CALCOCO1: variants seen among roughly 807,000 people sequenced by gnomAD.
CALCOCO1 encodes calcium binding and coiled-coil domain 1.
Under a neutral mutation model 86.3 loss-of-function variants are expected in CALCOCO1, and 44 were observed. The observed-to-expected ratio is 0.51, with a 90% confidence interval of 0.40 to 0.66. The LOEUF (loss-of-function observed/expected upper bound fraction) is 0.66, where lower values mean the gene tolerates loss of function less well. Ranked by LOEUF, CALCOCO1 falls within the 30% of genes least tolerant of loss-of-function variation. The pLI is 0.00. For missense variants in CALCOCO1, 708 were observed against 851.1 expected (o/e 0.83, Z 2.09); for synonymous variants, 297 against 327.6 (o/e 0.91, Z 1.01).
At chr12:53,713,672 G>T in intron 13 of CALCOCO1, 29 bp downstream of exon 13, 1 of 1,491,920 alleles carries the variant, frequency 6.7e-7, no homozygotes, top group South Asian at 1.4e-5. Flanking sequence ...CCTCCTTACT[G>T]CTTCTGCACA....
chr12:53,722,884 C>T, intron 4 of CALCOCO1: 2 of 425,360 alleles, frequency 4.7e-6, no homozygotes, highest in Non-Finnish European at 4.6e-6. Flanking sequence ...TAGGAGCTCA[C>T]ACATCTTTCA....
Position 53,715,958 on chromosome 12 carries a change from C to G in CALCOCO1, c.1095G>C (p.Glu365Asp). The change falls in exon 9 of 15, where the codon GAG (glutamate) becomes GAC (aspartate). Residue 365 changes from glutamate (E) to aspartate (D), a missense_variant. Transcript: ENST00000550804. ...CCCTGGCTGCTGCTGCACTGGCCAA[C>G]TCCTCCCCAAGAAGGGTGGCTTTCT... Reference protein sequence around the residue: ...SQQKATLLGEELASAAAARDR... With the variant: ...SQQKATLLGEDLASAAAARDR... 1 of 1,614,202 alleles carries G rather than the reference C, an allele frequency of 6.2e-7. No individual in the cohort carries two copies. Among genetic ancestry groups the G allele is most frequent in the African/African-American group, 1.3e-5 (1 of 75,064 alleles).
chr12:53,714,106 G>A, intron 12 of CALCOCO1, 27 bp downstream of exon 12: 1 of 1,538,682 alleles, frequency 6.5e-7, no homozygotes, highest in Non-Finnish European at 9.0e-7. Flanking sequence ...TGGGGAAGAG[G>A]TGTTACAAGA....
In CALCOCO1 at chr12:53,715,950, C is replaced by T. The variant is rs776903733; in HGVS notation, c.1103G>A (p.Ser368Asn). 6.2e-7 allele frequency: 1 copy of T among 1,614,204 alleles called. No homozygotes were observed. Among genetic ancestry groups the T allele is most frequent in the Non-Finnish European group, 8.5e-7 (1 of 1,180,044 alleles). ...KATLLGEELASAAAARDRTIA... is the reference protein window; with the variant it reads ...KATLLGEELANAAAARDRTIA... ...GGTGCGGTCCCTGGCTGCTGCTGCA[C>T]TGGCCAACTCCTCCCCAAGAAGGGT... is the stretch of plus-strand genomic sequence containing the variant. Residue 368 changes from serine (S) to asparagine (N), a missense_variant, in exon 9 of 15, where the codon AGT (serine) becomes AAT (asparagine). Ser to Asn is a conservative substitution (Grantham distance 46, BLOSUM62 1). Transcript: ENST00000550804.
chr12:53,723,313 T>C (rs1945930390), intron 4 of CALCOCO1, among the ~76,000 whole-genome samples: 1 of 152,168 alleles, frequency 6.6e-6, no homozygotes, highest in Non-Finnish European at 1.5e-5. Flanking sequence ...GATCTTCCTC[T>C]AGGGCATAGG....
chr12:53,719,680 A>G, intron 7 of CALCOCO1, 59 bp downstream of exon 7: 1 of 1,207,218 alleles, frequency 8.3e-7, no homozygotes, highest in Non-Finnish European at 1.2e-6. Flanking sequence ...CTGGCTCTCG[A>G]GAGGGAATCA....
rs1945691009 is a variant in CALCOCO1 at position 53,715,224 on chromosome 12, C to G, written c.1362G>C (p.Leu454=). The change falls in exon 10 of 15, where the codon CTG becomes CTC. Residue 454 remains leucine, a synonymous_variant. Coordinates refer to ENST00000550804, the MANE Select transcript of CALCOCO1 (RefSeq NM_020898.3). ...RTQNQVFKTE[L]AREKDSSLVQ... is the part of the protein sequence containing the mutation. Reference sequence around the variant, plus strand: ...CCAGGCTAGAATCCTTCTCCCGGGCCAGCTCAGTCTTGAACACTTGGTTTT... The same window carrying G: ...CCAGGCTAGAATCCTTCTCCCGGGCGAGCTCAGTCTTGAACACTTGGTTTT... The G allele has an allele frequency of 6.2e-7, 1 of 1,614,042 alleles. No individual in the cohort carries two copies. The highest frequency in any genetic ancestry group is 1.3e-5 in the African/African-American group (1 of 74,930).
intron 14 of CALCOCO1, chr12:53,712,425 A>AT (rs745534060): frequency 3.2e-6 from 1 of 313,984 alleles, no homozygotes; most frequent in Non-Finnish European, 5.9e-6. Context: ...TGAGTCTGAC[A>AT]TCGTCCTTCA....
chr12:53,714,456 A>C, intron 11 of CALCOCO1, 142 bp downstream of exon 11: 1 of 694,188 alleles, frequency 1.4e-6, no homozygotes, highest in Non-Finnish European at 2.5e-6. Context: ...TGTCCTGCCA[A>C]ATCAGCTAAT....
Position 53,713,905 on chromosome 12 carries a change from A to G in CALCOCO1, c.1592-5T>C, listed in dbSNP as rs1469405138. 3 of 1,526,516 alleles carry G rather than the reference A, an allele frequency of 2.0e-6. No homozygotes were observed. In the South Asian group the frequency reaches 3.9e-5, roughly 20 times the overall value. 94.6% of individuals were successfully genotyped at this position (1,526,516 alleles called of 1,614,324 possible). On this transcript the variant is annotated splice_polypyrimidine_tract_variant and splice_region_variant and intron_variant, in intron 12 of 14. Transcript: ENST00000550804. ...CTGTCAGAGCTGCCGGGCAGCCTGT[A>G]GGAGATGAAGCAGGCAGAGAAGAAA... is the stretch of plus-strand genomic sequence containing the variant.
rs767455173 is a variant in CALCOCO1, at chr12:53,715,334, T to C, written c.1261-9A>G. The C allele has an allele frequency of 6.8e-6, 11 of 1,613,962 alleles. No individual in the cohort carries two copies. In the African/African-American group the frequency reaches 1.3e-4, roughly 20 times the overall value. Reference sequence around the variant, plus strand: ...ATCTTGTCCTTCTCTGCCTGAGAGATAGCCAAGAAGGAAAATGGGAGGGTG... The same window carrying C: ...ATCTTGTCCTTCTCTGCCTGAGAGACAGCCAAGAAGGAAAATGGGAGGGTG... On this transcript the variant is annotated splice_polypyrimidine_tract_variant and intron_variant, in intron 9 of 14. Transcript: ENST00000550804.
chr12:53,723,007 C>A (rs551889338), intron 4 of CALCOCO1: 68 of 364,464 alleles, frequency 1.9e-4, no homozygotes, highest in South Asian at 1.3e-3. Flanking sequence ...AAAAAAACCC[C>A]AAACAGTATC....
chr12:53,723,316 G>T (rs913263174), intron 4 of CALCOCO1, among the ~76,000 whole-genome samples: 1 of 152,106 alleles, frequency 6.6e-6, no homozygotes, highest in African/African-American at 2.4e-5. Flanking sequence ...CTTCCTCTAG[G>T]GCATAGGGCA....
Position 53,711,950 on chromosome 12 carries a change from A to C in CALCOCO1, c.2070T>G (p.Phe690Leu), listed in dbSNP as rs748633937. Residue 690 changes from phenylalanine to leucine, a missense_variant, in exon 15 of 15, where the codon TTT (phenylalanine) becomes TTG (leucine). Physicochemically the swap from Phe to Leu is conservative, Grantham distance 22 (BLOSUM62 0). Coordinates refer to ENST00000550804, the MANE Select transcript of CALCOCO1 (RefSeq NM_020898.3). ...FFFSTQDPFTFE is the reference protein window; with the variant it reads ...FFFSTQDPFTLE ...CATGTACGAGGGAGTAAGATCACTC[A>C]AAGGTGAAGGGGTCCTGGGTGCTGA... 5 of 1,565,860 alleles carry C rather than the reference A, an allele frequency of 3.2e-6. No individual in the cohort carries two copies. The highest frequency in any genetic ancestry group is 4.3e-6 in the Non-Finnish European group (5 of 1,157,270).
chr12:53,718,028 ACAAACAAAC>A (rs1945773099), intron 7 of CALCOCO1, among the ~76,000 whole-genome samples: 1 of 152,242 alleles, frequency 6.6e-6, no homozygotes, highest in Non-Finnish European at 1.5e-5. Context: ...CCGTCTCAAA[ACAAACAAAC>A]AAAACAAATA....
intron 6 of CALCOCO1, among the ~76,000 whole-genome samples, chr12:53,720,926 G>C (rs1945851173): frequency 6.6e-6 from 1 of 152,212 alleles, no homozygotes; most frequent in Admixed American, 6.5e-5. Context: ...CAATACAAGA[G>C]ATACAAAAAT....
At chr12:53,724,340 C>G (rs2120651456) in intron 3 of CALCOCO1, 3 of 391,532 alleles carry the variant, frequency 7.7e-6, no homozygotes, top group Non-Finnish European at 9.7e-6. Context: ...GAACCCAGGT[C>G]TTTCCCTCTT....
chr12:53,715,548 G>A (rs1185493194), intron 9 of CALCOCO1: 3 of 732,384 alleles, frequency 4.1e-6, no homozygotes, highest in Non-Finnish European at 6.6e-6. Context: ...AGGGCCTGGG[G>A]TCTAGGACAG....
chr12:53,719,722 A>C lies in CALCOCO1; in HGVS notation c.849+17T>G. On this transcript the variant is annotated intron_variant, in intron 7 of 14. Transcript: ENST00000550804. ...GGCTGGACAATGGAGAAAGCAAATC[A>C]ACTCTGAGCCCCTTACCTCACTTTG... 2 of 1,584,266 alleles carry C rather than the reference A, an allele frequency of 1.3e-6. No homozygotes were observed. Among genetic ancestry groups the C allele is most frequent in the South Asian group, 1.1e-5 (1 of 89,980 alleles).
Sources: allele counts gnomAD v4.1 joint callset (sites outside exome capture counted in the v4.1 genomes callset), GRCh38; gene constraint gnomAD v4.1.1; transcripts MANE v1.5; gene names NCBI Gene and HGNC (gene_info 2026-07-23, HGNC 2026-07-21).